MAST4: variants seen among roughly 807,000 people sequenced by gnomAD.
MAST4 encodes the protein microtubule-associated serine/threonine-protein kinase 4.
A neutral mutation model predicts 162.7 loss-of-function variants in MAST4; 89 were observed. The ratio of observed to expected loss-of-function variants is 0.55; its 90% confidence interval spans 0.46 to 0.65. MAST4 has a LOEUF of 0.65. Ranked by LOEUF, MAST4 falls within the 30% of genes least tolerant of loss-of-function variation. The probability of loss-of-function intolerance (pLI) is 0.00; values close to 1 mark genes in which losing one functional copy is unlikely to be tolerated. For missense variants in MAST4, 3,153 were observed against 3,374.0 expected (o/e 0.93, Z 1.62); for synonymous variants, 1,479 against 1,361.1 (o/e 1.09, Z -1.91).
At chr5:66,735,457 A>G (rs1234342600) in intron 1 of MAST4, among the ~76,000 whole-genome samples, 4 of 152,204 alleles carry the variant, frequency 2.6e-5, no homozygotes, top group African/African-American at 9.6e-5. Flanking sequence ...TTGGTATACA[A>G]TAAGATGGAA....
At chr5:66,731,567 GA>G (rs1477536580) in intron 1 of MAST4, among the ~76,000 whole-genome samples, 1 of 152,090 alleles carries the variant, frequency 6.6e-6, no homozygotes, top group African/African-American at 2.4e-5. Context: ...TCTTGGTTTT[GA>G]AAACCACTTT....
chr5:66,982,199 C>G lies in MAST4; in HGVS notation c.675-72205C>G, dbSNP rs1581099979. ...GCACATCTCAGCTTTCTGTAGGTGA[C>G]ATGTTCTTTTTTCCTTTTACATCAT... On this transcript the variant is annotated intron_variant, in intron 4 of 28. Coordinates refer to ENST00000403625, the MANE Select transcript of MAST4 (RefSeq NM_001164664.2). 3.3e-5 allele frequency among the ~76,000 whole-genome samples: 5 copies of G among 152,286 alleles called. No homozygotes were observed. In the South Asian group the frequency reaches 1.0e-3, roughly 32 times the overall value.
intron 4 of MAST4, among the ~76,000 whole-genome samples, chr5:66,974,187 T>C (rs1429850872): frequency 6.6e-6 from 1 of 152,242 alleles, no homozygotes; most frequent in East Asian, 1.9e-4. Context: ...ATATCTCACC[T>C]GATATATAAC....
At chr5:66,653,168 CA>C (rs1746336832) in intron 1 of MAST4, among the ~76,000 whole-genome samples, 1 of 152,206 alleles carries the variant, frequency 6.6e-6, no homozygotes, top group Admixed American at 6.5e-5. Context: ...TATGTTGTCT[CA>C]TCTACCAGGG....
At chr5:66,709,022 T>A (rs1338790984) in intron 1 of MAST4, among the ~76,000 whole-genome samples, 1 of 152,200 alleles carries the variant, frequency 6.6e-6, no homozygotes, top group African/African-American at 2.4e-5. Flanking sequence ...AAACTTGGTG[T>A]TCTCTTTCCT....
At chr5:66,966,771 G>A (rs1746783844) in intron 4 of MAST4, among the ~76,000 whole-genome samples, 1 of 152,238 alleles carries the variant, frequency 6.6e-6, no homozygotes, top group Non-Finnish European at 1.5e-5. Context: ...AATCTTTGTT[G>A]TAGAAGTTGA....
At chr5:66,716,450 A>G (rs1561282404) in intron 1 of MAST4, among the ~76,000 whole-genome samples, 1 of 152,000 alleles carries the variant, frequency 6.6e-6, no homozygotes, top group Admixed American at 6.6e-5. Context: ...AGCTCAAGCA[A>G]TCCTCCTATG....
chr5:66,640,339 G>A (rs145251905), intron 1 of MAST4, among the ~76,000 whole-genome samples: 364 of 144,876 alleles, frequency 2.5e-3, no homozygotes, highest in African/African-American at 8.2e-3. Flanking sequence ...ACGGAGTCTC[G>A]CTCTGTTGCC....
chr5:66,891,892 C>T (rs1762386243), intron 3 of MAST4, among the ~76,000 whole-genome samples: 2 of 152,212 alleles, frequency 1.3e-5, no homozygotes, highest in African/African-American at 4.8e-5. Flanking sequence ...TCCAAATACA[C>T]GCAAGGGTAG....
chr5:67,111,487 A>C (rs534288225), intron 11 of MAST4, among the ~76,000 whole-genome samples: 1 of 152,064 alleles, frequency 6.6e-6, no homozygotes, highest in Non-Finnish European at 1.5e-5. Context: ...CCTTAGAATC[A>C]TAGAATCAAA....
chr5:66,669,659 G>A (rs1580152212), intron 1 of MAST4, among the ~76,000 whole-genome samples: 2 of 152,220 alleles, frequency 1.3e-5, no homozygotes, highest in East Asian at 3.9e-4. Context: ...ACTGGCTAAA[G>A]AAGGTGTTTG....
chr5:66,659,318 A>G (rs1279738609), intron 1 of MAST4, among the ~76,000 whole-genome samples: 2 of 152,242 alleles, frequency 1.3e-5, no homozygotes, highest in East Asian at 1.9e-4. Flanking sequence ...ATAGCTGGGA[A>G]GTAGCAAGGC....
intron 3 of MAST4, among the ~76,000 whole-genome samples, chr5:66,807,701 A>T (rs1367670015): frequency 6.6e-6 from 1 of 152,096 alleles, no homozygotes; most frequent in Admixed American, 6.6e-5. Context: ...TCTCATACTC[A>T]TGGGAACCGT....
chr5:66,890,836 G>T (rs6868522), intron 3 of MAST4, among the ~76,000 whole-genome samples: 1 of 152,292 alleles, frequency 6.6e-6, no homozygotes, highest in South Asian at 2.1e-4. Flanking sequence ...GAGTTACTTA[G>T]CCTGTGTGTG....
intron 3 of MAST4, among the ~76,000 whole-genome samples, chr5:66,829,857 A>ATAT (rs2067198): frequency 0.51 from 77,606 of 151,136 alleles, 20,167 homozygotes; most frequent in East Asian, 0.68. Flanking sequence ...TATAATATTA[A>ATAT]TATAGGCAAC....
chr5:66,642,548 A>G (rs2149437012), intron 1 of MAST4, among the ~76,000 whole-genome samples: 1 of 152,344 alleles, frequency 6.6e-6, no homozygotes, highest in South Asian at 2.1e-4. Context: ...AGAGACGTAC[A>G]GAAACTTGAT....
Position 67,153,446 on chromosome 5 carries a change from C to T in MAST4, c.3526-12C>T, listed in dbSNP as rs1324748701. On this transcript the variant is annotated splice_polypyrimidine_tract_variant and intron_variant, in intron 25 of 28. Coordinates refer to ENST00000403625, the MANE Select transcript of MAST4 (RefSeq NM_001164664.2). The stretch of plus-strand genomic sequence containing the variant: ...TGTTTGCCTACAAATATCCTCTCCT[C>T]TTGGACTTTAGAATGTAGAAGAAGG... The T allele has an allele frequency of 6.2e-7, 1 of 1,600,394 alleles. No individual in the cohort carries two copies. Among genetic ancestry groups the T allele is most frequent in the African/African-American group, 1.3e-5 (1 of 74,886 alleles).
At chr5:66,908,467 C>T (rs1580838735) in intron 4 of MAST4, among the ~76,000 whole-genome samples, 1 of 151,990 alleles carries the variant, frequency 6.6e-6, no homozygotes, top group Non-Finnish European at 1.5e-5. Context: ...GTACTTTTAA[C>T]CACTTTTCAA....
intron 4 of MAST4, among the ~76,000 whole-genome samples, chr5:66,977,262 G>A (rs1324643897): frequency 6.6e-6 from 1 of 152,058 alleles, no homozygotes; most frequent in African/African-American, 2.4e-5. Flanking sequence ...CACCACGCCT[G>A]GCTAATTTTG....
Sources: allele counts gnomAD v4.1 joint callset (sites outside exome capture counted in the v4.1 genomes callset), GRCh38; gene constraint gnomAD v4.1.1; transcripts MANE v1.5; gene names NCBI Gene and HGNC (gene_info 2026-07-23, HGNC 2026-07-21).